EPHB2: variants seen among roughly 807,000 people sequenced by gnomAD.
EPHB2 encodes the protein EPH receptor B2.
EPHB2 carries 18 observed loss-of-function variants against 96.4 expected under a neutral mutation model. That is an observed-to-expected ratio of 0.19 (90% CI 0.13 to 0.28). EPHB2 has a LOEUF of 0.28. EPHB2 is among the 10% of genes least tolerant of loss of function. EPHB2 has a pLI of 1.00. For missense variants in EPHB2, 989 were observed against 1,355.4 expected, an observed-to-expected ratio of 0.73 and a Z score of 4.25; for synonymous variants, 506 against 534.1, an observed-to-expected ratio of 0.95 and a Z score of 0.72.
At chr1:22,770,512 C>T (rs904328234) in intron 1 of EPHB2, among the ~76,000 whole-genome samples, 4 of 152,130 alleles carry the variant, frequency 2.6e-5, no homozygotes, top group Non-Finnish European at 4.4e-5. Context: ...CTTACAGTGG[C>T]CTGTGTCTTA....
chr1:22,811,764 G>T (rs970420229), intron 3 of EPHB2, among the ~76,000 whole-genome samples: 2 of 152,216 alleles, frequency 1.3e-5, no homozygotes, highest in African/African-American at 4.8e-5. Flanking sequence ...CTTGGCCGGG[G>T]GCAGTGGCTC....
chr1:22,853,308 G>A (rs966657134), intron 3 of EPHB2, among the ~76,000 whole-genome samples: 7 of 152,210 alleles, frequency 4.6e-5, no homozygotes, highest in African/African-American at 7.2e-5. Context: ...AGCCAAGATC[G>A]CGCCGCTGCA....
chr1:22,870,218 T>A (rs555529577), intron 5 of EPHB2, among the ~76,000 whole-genome samples: 2 of 152,366 alleles, frequency 1.3e-5, no homozygotes, highest in East Asian at 3.9e-4. Context: ...GGGCCAGAAC[T>A]GTCTTCTGAC....
intron 3 of EPHB2, among the ~76,000 whole-genome samples, chr1:22,811,923 C>T (rs1426618416): frequency 6.6e-6 from 1 of 152,208 alleles, no homozygotes; most frequent in Non-Finnish European, 1.5e-5. Context: ...CCTATAATCC[C>T]AGCTCCTCAG....
intron 3 of EPHB2, among the ~76,000 whole-genome samples, chr1:22,861,732 G>T (rs912000914): frequency 6.6e-6 from 1 of 152,168 alleles, no homozygotes; most frequent in Non-Finnish European, 1.5e-5. Context: ...GAGGGTTGAG[G>T]GAGGGTGGTT....
At chr1:22,791,116 T>C (rs1285212870) in intron 3 of EPHB2, among the ~76,000 whole-genome samples, 2 of 151,922 alleles carry the variant, frequency 1.3e-5, no homozygotes, top group East Asian at 1.9e-4. Context: ...AATGAGAAAA[T>C]ACCCAGAAGA....
intron 1 of EPHB2, among the ~76,000 whole-genome samples, chr1:22,750,779 T>C (rs770443708): frequency 7.2e-5 from 11 of 152,228 alleles, no homozygotes; most frequent in Non-Finnish European, 1.6e-4. Flanking sequence ...ATTACAAATA[T>C]TTCATCCCCA....
chr1:22,817,285 G>A (rs751023), intron 3 of EPHB2, among the ~76,000 whole-genome samples: 31,734 of 152,216 alleles, frequency 0.21, 3,401 homozygotes, highest in South Asian at 0.33. Flanking sequence ...TTCCTGACAT[G>A]TGTAAACTCA....
intron 1 of EPHB2, among the ~76,000 whole-genome samples, chr1:22,761,588 A>C (rs1481446407): frequency 2.0e-5 from 3 of 152,162 alleles, no homozygotes; most frequent in Non-Finnish European, 1.5e-5. Flanking sequence ...TTGTCTGTAA[A>C]ATGGGGATAG....
At chr1:22,844,265 G>A (rs1475464658) in intron 3 of EPHB2, among the ~76,000 whole-genome samples, 1 of 152,222 alleles carries the variant, frequency 6.6e-6, no homozygotes. Context: ...TTGCCACACT[G>A]TTATTAAAAC....
In EPHB2 at chr1:22,843,713, G is replaced by A. The variant is rs1158001376; in HGVS notation, c.812-19324G>A. Among the ~76,000 whole-genome samples the A allele has an allele frequency of 2.0e-5, 3 of 152,154 alleles. No individual in the cohort carries two copies. The East Asian group carries it at 5.8e-4, about 29-fold the overall frequency. ...CTGCCGCTATGCCTGGCTAATTTTT[G>A]TATTTTTAATAGAGACAGGGTTTTA... is the stretch of plus-strand genomic sequence containing the variant. On this transcript the variant is annotated intron_variant, in intron 3 of 15. Transcript: ENST00000374630.
chr1:22,735,114 G>A (rs1221491993), intron 1 of EPHB2, among the ~76,000 whole-genome samples: 1 of 152,088 alleles, frequency 6.6e-6, no homozygotes, highest in African/African-American at 2.4e-5. Context: ...GCATCTTCCT[G>A]AGGCTGCTGT....
Position 22,719,015 on chromosome 1 carries a change from G to A in EPHB2, c.61+7972G>A, listed in dbSNP as rs1415388134. ...TCAACATCCTGAGATAATGCAATGG[G>A]AGGGTTCTACAACTCACAAACCTGC... On this transcript the variant is annotated intron_variant, in intron 1 of 15. Transcript: ENST00000374630. 3.3e-5 allele frequency among the ~76,000 whole-genome samples: 5 copies of A among 152,172 alleles called. No homozygotes were observed. In the East Asian group the frequency reaches 5.8e-4, roughly 18 times the overall value.
At chr1:22,888,217 A>C (rs1442867552) in intron 6 of EPHB2, among the ~76,000 whole-genome samples, 16 of 151,848 alleles carry the variant, frequency 1.1e-4, no homozygotes, top group Admixed American at 1.1e-3. Context: ...AATTTTTTGT[A>C]TTTTTAGTAG....
At chr1:22,786,973 C>T (rs946625734) in intron 3 of EPHB2, among the ~76,000 whole-genome samples, 3 of 152,118 alleles carry the variant, frequency 2.0e-5, no homozygotes, top group Non-Finnish European at 4.4e-5. Context: ...GTGTGGGTGG[C>T]AGAACAAGTG....
intron 1 of EPHB2, among the ~76,000 whole-genome samples, chr1:22,751,677 G>A (rs112095115): frequency 1.3e-5 from 2 of 152,318 alleles, no homozygotes; most frequent in Non-Finnish European, 2.9e-5. Context: ...TCTTTAGGAT[G>A]CTTAGCCCCT....
At chr1:22,867,312 G>A (rs1176471979) in intron 5 of EPHB2, among the ~76,000 whole-genome samples, 1 of 152,206 alleles carries the variant, frequency 6.6e-6, no homozygotes, top group African/African-American at 2.4e-5. Context: ...GAGCATGGAT[G>A]TATCAACCTG....
chr1:22,855,101 A>C (rs1645679456), intron 3 of EPHB2, among the ~76,000 whole-genome samples: 1 of 152,220 alleles, frequency 6.6e-6, no homozygotes, highest in African/African-American at 2.4e-5. Flanking sequence ...GGTGCCAGGC[A>C]GCGCCTTCCT....
intron 1 of EPHB2, among the ~76,000 whole-genome samples, chr1:22,778,275 CT>C (rs375401549): frequency 0.023 from 3,571 of 152,202 alleles, 61 homozygotes; most frequent in South Asian, 0.046. Flanking sequence ...ATCTCCCCCC[CT>C]CAAAAGGTCC....
Sources: gnomAD v4.1 joint callset for allele counts (sites outside exome capture counted in the v4.1 genomes callset) on GRCh38, gnomAD v4.1.1 for gene constraint, MANE v1.5 for transcripts, NCBI Gene and HGNC (gene_info 2026-07-23, HGNC 2026-07-21) for gene names.